The following MINAR1 variants were observed in gnomAD, a reference collection of about 807,000 sequenced individuals.
The protein encoded by MINAR1 is major intrinsically disordered Notch2-binding receptor 1.
In MINAR1, 40 loss-of-function variants were observed where a neutral mutation model predicts 65.1. That is an observed-to-expected ratio of 0.61 (90% CI 0.48 to 0.80). The LOEUF (loss-of-function observed/expected upper bound fraction) is 0.80. Ranked by LOEUF, MINAR1 falls within the 30% of genes least tolerant of loss-of-function variation. The pLI is 0.00. For synonymous variants in MINAR1, 482 were observed against 449.1 expected (o/e 1.07, Z -0.93); for missense variants, 1,128 against 1,148.0 (o/e 0.98, Z 0.25).
At chr15:79,436,154 T>C (rs1336692788) in intron 1 of MINAR1, among the ~76,000 whole-genome samples, 1 of 152,248 alleles carries the variant, frequency 6.6e-6, no homozygotes, top group Non-Finnish European at 1.5e-5. Context: ...AATGGACATG[T>C]AGCATTGATA....
intron 1 of MINAR1, among the ~76,000 whole-genome samples, chr15:79,436,046 G>C (rs1239179766): frequency 6.6e-6 from 1 of 152,186 alleles, no homozygotes; most frequent in South Asian, 2.1e-4. Flanking sequence ...CTTTTCCTCT[G>C]TTTCAGTGGT....
chr15:79,437,752 GTAGTGTGTGGGGTGT>G (rs1460092075), intron 1 of MINAR1, among the ~76,000 whole-genome samples: 3 of 92,982 alleles, frequency 3.2e-5, no homozygotes, highest in Non-Finnish European at 6.4e-5. Context: ...GTGTGTGTAG[GTAGTGTGTGGGGTGT>G]GAGTGGGGTG....
chr15:79,433,170 C>G (rs1271502124), intron 1 of MINAR1, among the ~76,000 whole-genome samples: 1 of 152,184 alleles, frequency 6.6e-6, no homozygotes, highest in Admixed American at 6.5e-5. Context: ...GCAGCATGCC[C>G]GACCTGCTCT....
chr15:79,446,535 G>T (rs1895025056), intron 1 of MINAR1, among the ~76,000 whole-genome samples: 1 of 151,270 alleles, frequency 6.6e-6, no homozygotes, highest in African/African-American at 2.4e-5. Flanking sequence ...CTATTTTTTA[G>T]TCTATAATTG....
chr15:79,452,878 TGTGA>T (rs567979026), intron 1 of MINAR1, among the ~76,000 whole-genome samples: 52 of 150,752 alleles, frequency 3.4e-4, no homozygotes, highest in East Asian at 1.4e-3. Context: ...TGTGAAGCTG[TGTGA>T]GTGTGTGTAG....
upstream of MINAR1, among the ~76,000 whole-genome samples, chr15:79,431,483 G>T (rs560493580): frequency 6.7e-6 from 1 of 148,178 alleles, no homozygotes; most frequent in South Asian, 2.2e-4. Context: ...GGGTTTGGGG[G>T]TGTGTGAATG....
intron 1 of MINAR1, among the ~76,000 whole-genome samples, chr15:79,435,220 G>A (rs2141273962): frequency 6.6e-6 from 1 of 151,374 alleles, no homozygotes; most frequent in South Asian, 2.1e-4. Flanking sequence ...AGGTTGCGGT[G>A]AGCCGAGATC....
chr15:79,430,349 C>T (rs1393384082), upstream of MINAR1, among the ~76,000 whole-genome samples: 1 of 152,014 alleles, frequency 6.6e-6, no homozygotes, highest in Non-Finnish European at 1.5e-5. Flanking sequence ...GGAGAAAAAA[C>T]AGGAAAGAAG....
chr15:79,436,934 TC>T (rs990777218), intron 1 of MINAR1, among the ~76,000 whole-genome samples: 77 of 152,338 alleles, frequency 5.1e-4, no homozygotes, highest in African/African-American at 1.8e-3. Context: ...CTGCACCCTT[TC>T]TTCCTGCCAT....
At chr15:79,460,253 C>T (rs1895597997) in intron 2 of MINAR1, among the ~76,000 whole-genome samples, 2 of 152,180 alleles carry the variant, frequency 1.3e-5, no homozygotes, top group South Asian at 2.1e-4. Context: ...CAGACCCGGC[C>T]CACCTTTGGA....
At position 79,463,157 on chromosome 15, in the gene MINAR1, C is replaced by A. The variant is rs762395207; in HGVS notation, c.2389C>A (p.Pro797Thr). ...GGTGGAGCAGGTGTTCAGCCCTCACCCCTACCCTGCCTCCCTCAAGGCCCA... is the reference window on the plus strand; with the variant it reads ...GGTGGAGCAGGTGTTCAGCCCTCACACCTACCCTGCCTCCCTCAAGGCCCA... Reference protein sequence around the residue: ...FLVEQVFSPHPYPASLKAHMK... With the variant: ...FLVEQVFSPHTYPASLKAHMK... The change falls in exon 3 of 4, where the codon CCC becomes ACC. Residue 797 changes from proline (P) to threonine (T), a missense_variant. By Grantham distance (38) the Pro-to-Thr change is conservative. Transcript: ENST00000305428. 6.2e-7 allele frequency: 1 copy of A among 1,614,098 alleles called. No individual in the cohort carries two copies. Among genetic ancestry groups the A allele is most frequent in the Non-Finnish European group, 8.5e-7 (1 of 1,180,054 alleles).
chr15:79,416,273 A>G, the MINAR1 span: 1 of 152,332 alleles, frequency 6.6e-6, no homozygotes, highest in African/African-American at 2.4e-5. Flanking sequence ...CTGCCTTTTT[A>G]TAAATCAGTC....
chr15:79,413,520 C>T, the MINAR1 span: 1 of 152,248 alleles, frequency 6.6e-6, no homozygotes, highest in Non-Finnish European at 1.5e-5. Flanking sequence ...TTAAAATACA[C>T]ACATGGTGAG....
At chr15:79,430,822 C>A (rs991254109), upstream of MINAR1, among the ~76,000 whole-genome samples, 2 of 152,176 alleles carry the variant, frequency 1.3e-5, no homozygotes, top group East Asian at 3.8e-4. Context: ...ACGTATCACC[C>A]TGATAGGGCG....
chr15:79,464,557 T>C (rs1374836223), intron 3 of MINAR1, among the ~76,000 whole-genome samples: 1 of 152,240 alleles, frequency 6.6e-6, no homozygotes, highest in East Asian at 1.9e-4. Flanking sequence ...ATGGTCTTTC[T>C]CTTCTGCAAT....
intron 2 of MINAR1, among the ~76,000 whole-genome samples, chr15:79,458,978 A>G (rs767674158): frequency 6.6e-6 from 1 of 152,160 alleles, no homozygotes; most frequent in Non-Finnish European, 1.5e-5. Context: ...GGAGTTTGAG[A>G]CCAGCCTGGC....
At position 79,468,325 on chromosome 15, in the gene MINAR1, G is replaced by A; in HGVS notation, c.2692G>A (p.Ala898Thr). 6.2e-7 allele frequency: 1 copy of A among 1,614,132 alleles called. No homozygotes were observed. The highest frequency in any genetic ancestry group is 8.5e-7 in the Non-Finnish European group (1 of 1,180,016). Residue 898 changes from alanine to threonine, a missense_variant, in exon 4 of 4, where the codon GCT (alanine) becomes ACT (threonine). By Grantham distance (58) the Ala-to-Thr change is moderately conservative. Transcript: ENST00000305428. ...KVCKIAALIA[A>T]AACTVILVIV... ...CTGCAAGATAGCTGCTCTGATCGCTGCTGCGGCATGCACCGTCATCCTCGT... is the reference window on the plus strand; with the variant it reads ...CTGCAAGATAGCTGCTCTGATCGCTACTGCGGCATGCACCGTCATCCTCGT...
intron 1 of MINAR1, among the ~76,000 whole-genome samples, chr15:79,440,681 A>G (rs890822439): frequency 9.2e-5 from 14 of 152,062 alleles, no homozygotes; most frequent in African/African-American, 3.4e-4. Context: ...CCCACCACCC[A>G]GGCAGGCACG....
Position 79,457,572 on chromosome 15 carries a change from C to A in MINAR1, c.1425C>A (p.Gly475=). Residue 475 remains glycine (G), a synonymous_variant, in exon 2 of 4, where the codon GGC becomes GGA. Coordinates refer to ENST00000305428, the MANE Select transcript of MINAR1 (RefSeq NM_015206.3). ...GQLSSDTSSV[G]TQTEHVLEPK... ...TCAGCTCAGACACCAGTAGCGTGGGCACCCAGACTGAGCACGTGCTGGAGC... is the reference window on the plus strand; with the variant it reads ...TCAGCTCAGACACCAGTAGCGTGGGAACCCAGACTGAGCACGTGCTGGAGC... 2 of 1,614,206 alleles carry A rather than the reference C, an allele frequency of 1.2e-6. No individual in the cohort carries two copies. Among genetic ancestry groups the A allele is most frequent in the Non-Finnish European group, 1.7e-6 (2 of 1,180,038 alleles).
Sources: allele counts gnomAD v4.1 joint callset (sites outside exome capture counted in the v4.1 genomes callset), GRCh38; gene constraint gnomAD v4.1.1; transcripts MANE v1.5; gene names NCBI Gene and HGNC (gene_info 2026-07-23, HGNC 2026-07-21).